XKR9: variants seen among roughly 807,000 people sequenced by gnomAD.
XKR9 encodes XK related 9.
XKR9 carries 32 observed loss-of-function variants against 32.0 expected under a neutral mutation model. That is an observed-to-expected ratio of 1.00 (90% CI 0.76 to 1.34). The LOEUF (loss-of-function observed/expected upper bound fraction) is 1.34. Among genes scored for constraint, XKR9 ranks in the 40% most tolerant of loss-of-function variants. The pLI, the probability that XKR9 is intolerant of heterozygous loss-of-function variation, is 0.00. For missense variants in XKR9, 546 were observed against 429.7 expected (o/e 1.27, Z -2.39); for synonymous variants, 168 against 143.4 (o/e 1.17, Z -1.22).
the XKR9 span, among the ~76,000 whole-genome samples, chr8:70,962,875 A>G: frequency 6.6e-6 from 1 of 152,206 alleles, no homozygotes; most frequent in Non-Finnish European, 1.5e-5. Context: ...GTCAGAGGGT[A>G]AGGTCCTACT....
At chr8:70,716,565 C>T (rs921870244) in intron 4 of XKR9, among the ~76,000 whole-genome samples, 5 of 152,030 alleles carry the variant, frequency 3.3e-5, no homozygotes, top group African/African-American at 1.2e-4. Context: ...TTGTGAGAAC[C>T]TACTATCACG....
the XKR9 span, among the ~76,000 whole-genome samples, chr8:70,959,520 C>T: frequency 6.6e-6 from 1 of 152,102 alleles, no homozygotes; most frequent in Non-Finnish European, 1.5e-5. Flanking sequence ...TATGCTTCAG[C>T]GAATATCCCT....
chr8:70,799,235 T>A, the XKR9 span, among the ~76,000 whole-genome samples: 1 of 152,184 alleles, frequency 6.6e-6, no homozygotes, highest in East Asian at 1.9e-4. Context: ...CTGAGCAGTG[T>A]TTTGTAATTC....
At chr8:70,970,883 G>C in the XKR9 span, among the ~76,000 whole-genome samples, 3 of 152,212 alleles carry the variant, frequency 2.0e-5, no homozygotes, top group Non-Finnish European at 4.4e-5. Flanking sequence ...AATCATTGTG[G>C]AAGACAGTGT....
the XKR9 span, among the ~76,000 whole-genome samples, chr8:71,044,253 A>G: frequency 6.6e-6 from 1 of 152,186 alleles, no homozygotes; most frequent in African/African-American, 2.4e-5. Flanking sequence ...AGACTTTCCC[A>G]TTGCTCTAGA....
the XKR9 span, among the ~76,000 whole-genome samples, chr8:70,811,905 A>T: frequency 1.3e-5 from 2 of 152,062 alleles, no homozygotes; most frequent in Non-Finnish European, 1.5e-5. Flanking sequence ...TATTCCAATC[A>T]ATAGAAAAAG....
At chr8:70,928,477 A>AT in the XKR9 span, among the ~76,000 whole-genome samples, 4 of 151,988 alleles carry the variant, frequency 2.6e-5, no homozygotes, top group South Asian at 2.1e-4. Context: ...TTATAATCTG[A>AT]TTTTTTTTAG....
chr8:70,705,405 G>A (rs1415999863), intron 3 of XKR9, among the ~76,000 whole-genome samples: 2 of 152,132 alleles, frequency 1.3e-5, no homozygotes, highest in Non-Finnish European at 1.5e-5. Flanking sequence ...ATAGAATATG[G>A]TAGAGAGTAC....
chr8:70,855,636 G>A, the XKR9 span, among the ~76,000 whole-genome samples: 40,531 of 150,852 alleles, frequency 0.27, 1,784 homozygotes, highest in Non-Finnish European at 0.35. Context: ...ACACCACAAA[G>A]ATACTCCTCG....
At chr8:70,697,339 T>A (rs1188203924) in intron 3 of XKR9, among the ~76,000 whole-genome samples, 1 of 151,356 alleles carries the variant, frequency 6.6e-6, no homozygotes, top group Non-Finnish European at 1.5e-5. Context: ...ATAGCTCTTA[T>A]TATTTTGAGA....
chr8:70,781,384 C>CT (rs936877381), intron 2 of XKR9, among the ~76,000 whole-genome samples: 4 of 151,720 alleles, frequency 2.6e-5, no homozygotes, highest in African/African-American at 4.8e-5. Flanking sequence ...TTTTTACTTT[C>CT]TTTTTTTCCT....
chr8:70,907,452 G>A, the XKR9 span, among the ~76,000 whole-genome samples: 4 of 152,062 alleles, frequency 2.6e-5, no homozygotes, highest in African/African-American at 7.2e-5. Flanking sequence ...TATGATTAAG[G>A]CCTTTTTATA....
intron 3 of XKR9, among the ~76,000 whole-genome samples, chr8:70,691,537 C>G (rs577468711): frequency 1.3e-5 from 2 of 152,196 alleles, no homozygotes; most frequent in South Asian, 4.1e-4. Context: ...GAGTATTTTA[C>G]AGCTTTGGGT....
At chr8:70,673,581 A>G (rs1036414913) in intron 1 of XKR9, among the ~76,000 whole-genome samples, 9 of 152,174 alleles carry the variant, frequency 5.9e-5, no homozygotes, top group African/African-American at 1.9e-4. Flanking sequence ...CCTGACCAAC[A>G]TGGTGAAACC....
the XKR9 span, among the ~76,000 whole-genome samples, chr8:70,954,820 G>T: frequency 6.6e-6 from 1 of 152,180 alleles, no homozygotes; most frequent in Non-Finnish European, 1.5e-5. Flanking sequence ...TTTTTTACCA[G>T]TCGTTCAGGT....
chr8:70,710,828 C>T (rs1357173299), intron 4 of XKR9, among the ~76,000 whole-genome samples: 1 of 152,136 alleles, frequency 6.6e-6, no homozygotes, highest in South Asian at 2.1e-4. Flanking sequence ...AAGAAACTAT[C>T]AGCAGAGTAA....
the XKR9 span, among the ~76,000 whole-genome samples, chr8:70,995,701 A>G: frequency 6.6e-6 from 1 of 151,990 alleles, no homozygotes; most frequent in Non-Finnish European, 1.5e-5. Context: ...TTTTTTCTAG[A>G]AATAGGGTCT....
rs114258186 is a variant in XKR9 at position 70,733,923 on chromosome 8, T to C, written c.621T>C (p.Phe207=). The C allele has an allele frequency of 2.5e-6, 4 of 1,612,984 alleles. No individual in the cohort carries two copies. Among genetic ancestry groups the C allele is most frequent in the Non-Finnish European group, 3.4e-6 (4 of 1,179,706 alleles). Reference sequence around the variant, plus strand: ...TATGTCCCAAAATCACATATCTCTTTTACAAGTTGTTTACATTATTATCGT... The same window carrying C: ...TATGTCCCAAAATCACATATCTCTTCTACAAGTTGTTTACATTATTATCGT... ...NGLCPKITYL[F]YKLFTLLSWM... Residue 207 remains phenylalanine, a synonymous_variant, in exon 5 of 5, where the codon TTT becomes TTC. Coordinates refer to ENST00000408926, the MANE Select transcript of XKR9 (RefSeq NM_001011720.2).
At chr8:70,856,230 A>C in the XKR9 span, among the ~76,000 whole-genome samples, 61,058 of 151,978 alleles carry the variant, frequency 0.4, 13,867 homozygotes, top group Non-Finnish European at 0.52. Context: ...ATTCAGAAAA[A>C]CCATCTCACA....
Sources: gnomAD v4.1 joint callset for allele counts (sites outside exome capture counted in the v4.1 genomes callset) on GRCh38, gnomAD v4.1.1 for gene constraint, MANE v1.5 for transcripts, NCBI Gene and HGNC (gene_info 2026-07-23, HGNC 2026-07-21) for gene names.